PCM1: variants seen among roughly 807,000 people sequenced by gnomAD.
PCM1 encodes the protein pericentriolar material 1 protein.
A neutral mutation model predicts 241.9 loss-of-function variants in PCM1; 157 were observed. That is an observed-to-expected ratio of 0.65 (90% CI 0.57 to 0.74). PCM1 has a LOEUF of 0.74. PCM1 is among the 30% of genes least tolerant of loss of function. The probability of loss-of-function intolerance (pLI) is 0.00; values close to 1 mark genes in which losing one functional copy is unlikely to be tolerated. For synonymous variants in PCM1, 1,085 were observed against 784.9 expected, an observed-to-expected ratio of 1.38 and a Z score of -6.39; for missense variants, 3,478 against 2,360.1, an observed-to-expected ratio of 1.47 and a Z score of -9.81.
chr8:18,024,060 G>A (rs1457509969), intron 36 of PCM1, among the ~76,000 whole-genome samples: 1 of 152,122 alleles, frequency 6.6e-6, no homozygotes, highest in African/African-American at 2.4e-5. Flanking sequence ...ATAAAACAAA[G>A]GCCTTTAAAA....
chr8:17,936,362 T>A (rs183025517), intron 3 of PCM1, among the ~76,000 whole-genome samples: 153 of 152,280 alleles, frequency 1.0e-3, no homozygotes, highest in Non-Finnish European at 1.9e-3. Flanking sequence ...AAGGAAAATA[T>A]CCCAAGTGGT....
At chr8:18,005,824 G>A (rs1223781908) in intron 29 of PCM1, among the ~76,000 whole-genome samples, 5 of 152,140 alleles carry the variant, frequency 3.3e-5, no homozygotes, top group Non-Finnish European at 5.9e-5. Flanking sequence ...CAATGCACAG[G>A]ATGTCAATAA....
chr8:17,958,403 G>T (rs1391231376), intron 13 of PCM1, among the ~76,000 whole-genome samples: 1 of 151,874 alleles, frequency 6.6e-6, no homozygotes, highest in African/African-American at 2.4e-5. Context: ...TTGTATTATA[G>T]TTACACAATT....
intron 21 of PCM1, among the ~76,000 whole-genome samples, chr8:17,969,080 GGTAA>G (rs2076022165): frequency 6.7e-6 from 1 of 149,780 alleles, no homozygotes; most frequent in African/African-American, 2.4e-5. Context: ...AACAGTATTT[GGTAA>G]GTATTTAATT....
intron 17 of PCM1, 36 bp from the exon 18 acceptor site, chr8:17,964,532 C>T (rs759991074): frequency 4.6e-6 from 7 of 1,534,620 alleles, no homozygotes; most frequent in Middle Eastern, 1.7e-4. Flanking sequence ...AACTTATCTC[C>T]AGAATGACAT....
At chr8:18,013,000 A>G (rs2092710858) in intron 34 of PCM1, among the ~76,000 whole-genome samples, 1 of 152,182 alleles carries the variant, frequency 6.6e-6, no homozygotes. Context: ...GAACAGTGAT[A>G]TATCAAAAAG....
intron 23 of PCM1, among the ~76,000 whole-genome samples, chr8:17,974,875 A>ACG (rs1465953119): frequency 3.3e-5 from 5 of 152,078 alleles, no homozygotes; most frequent in African/African-American, 1.2e-4. Flanking sequence ...ACACACACAC[A>ACG]CACACACACA....
At position 18,027,732 on chromosome 8, in the gene PCM1, A is replaced by G. The variant is rs2094337270; in HGVS notation, c.*70A>G. 2 of 1,113,392 alleles carry G rather than the reference A, an allele frequency of 1.8e-6. No homozygotes were observed. The highest frequency in any genetic ancestry group is 2.7e-6 in the Non-Finnish European group (2 of 754,480). 69.0% of individuals were successfully genotyped at this position (1,113,392 alleles called of 1,614,324 possible). A position where few individuals can be genotyped will look rare whatever the true frequency, so the allele number is the denominator to read the frequency against. ...GCATATATGAAAACAATACTAAATA[A>G]ACATCTGATCTGTATAAAAATGTAA... On this transcript the variant is annotated 3_prime_UTR_variant, in exon 39 of 39. Transcript: ENST00000325083.
chr8:17,958,265 A>T (rs1390062928), intron 13 of PCM1, among the ~76,000 whole-genome samples: 1 of 152,164 alleles, frequency 6.6e-6, no homozygotes, highest in Non-Finnish European at 1.5e-5. Flanking sequence ...CAGAATTCAG[A>T]CTTCCTGATA....
intron 35 of PCM1, among the ~76,000 whole-genome samples, 190 bp downstream of exon 35, chr8:18,014,226 TAAAGA>T (rs1038132293): frequency 3.9e-5 from 6 of 151,970 alleles, no homozygotes; most frequent in African/African-American, 1.4e-4. Flanking sequence ...CTATAAACAA[TAAAGA>T]AAAGGTGACA....
rs1391939929 is a variant in PCM1, at chr8:17,963,143, C to A, written c.2506C>A (p.Leu836Met). The change falls in exon 17 of 39, where the codon CTG (leucine) becomes ATG (methionine). Residue 836 changes from leucine (L) to methionine (M), a missense_variant. By Grantham distance (15) the Leu-to-Met change is conservative. Transcript: ENST00000325083. ...MRRHEMLREE[L>M]RQRRKQLEAL... ...AAGACATGAAATGTTGAGGGAGGAG[C>A]TGCGACAGAGAAGAAAGCAGCTTGA... 1.9e-6 allele frequency: 3 copies of A among 1,613,064 alleles called. No individual in the cohort carries two copies. In the South Asian group the frequency reaches 3.3e-5, roughly 18 times the overall value.
At chr8:17,989,516 C>T (rs906019836) in intron 26 of PCM1, among the ~76,000 whole-genome samples, 1 of 152,000 alleles carries the variant, frequency 6.6e-6, no homozygotes, top group Non-Finnish European at 1.5e-5. Flanking sequence ...AGCTACTAGA[C>T]ATTGTTAGCA....
chr8:17,956,587 A>C lies in PCM1; in HGVS notation c.1473-17A>C. ...AAAATGGGTGTAAATCGTATACATA[A>C]ATTTTTTGTTTATCAGGAAGTTAAA... is the stretch of plus-strand genomic sequence containing the variant. On this transcript the variant is annotated splice_polypyrimidine_tract_variant and intron_variant, in intron 10 of 38. Coordinates refer to ENST00000325083, the MANE Select transcript of PCM1 (RefSeq NM_006197.4). The C allele has an allele frequency of 6.6e-7, 1 of 1,513,988 alleles. No individual in the cohort carries two copies. The highest frequency in any genetic ancestry group is 9.0e-7 in the Non-Finnish European group (1 of 1,108,292). 93.8% of individuals were successfully genotyped at this position (1,513,988 alleles called of 1,614,324 possible).
In PCM1 at chr8:17,964,615, A is replaced by T; in HGVS notation, c.2702A>T (p.Glu901Val). The T allele has an allele frequency of 3.1e-6, 5 of 1,613,898 alleles. No homozygotes were observed. The highest frequency in any genetic ancestry group is 4.2e-6 in the Non-Finnish European group (5 of 1,179,848). ...TCTACCCAGTGTGCACTAGATGAAG[A>T]AGGAGATGAAGACGGTTACCTTTCT... The part of the protein sequence containing the change: ...GGSTQCALDE[E>V]GDEDGYLSEG... The change falls in exon 18 of 39, where the codon GAA (glutamate) becomes GTA (valine). Residue 901 changes from glutamate (E) to valine (V), a missense_variant. By Grantham distance (121) the Glu-to-Val change is moderately radical (BLOSUM62 -2). Coordinates refer to ENST00000325083, the MANE Select transcript of PCM1 (RefSeq NM_006197.4).
chr8:17,931,465 T>G (rs2059001412), intron 2 of PCM1, among the ~76,000 whole-genome samples: 1 of 152,100 alleles, frequency 6.6e-6, no homozygotes, highest in Non-Finnish European at 1.5e-5. Context: ...GTTTTTGTAT[T>G]TTTAGTAGAG....
intron 30 of PCM1, 105 bp downstream of exon 30, chr8:18,006,502 G>T: frequency 2.8e-6 from 2 of 708,434 alleles, no homozygotes; most frequent in South Asian, 2.0e-5. Context: ...TTATTCTGGT[G>T]GACATCCAAT....
rs112085193 is a variant in PCM1, at chr8:17,956,974, T to G, written c.1646+197T>G. ...GTATGGAGTACAATAGTTCAGTAAA[T>G]TTGCCCTTTGTTAGACTGAATTCGA... On this transcript the variant is annotated intron_variant, in intron 11 of 38. Transcript: ENST00000325083. 1.7e-3 allele frequency among the ~76,000 whole-genome samples: 258 copies of G among 152,340 alleles called. 1 individual carries two copies. Among genetic ancestry groups the G allele is most frequent in the African/African-American group, 5.9e-3 (245 of 41,590 alleles).
At chr8:17,940,290 A>C in intron 6 of PCM1, 1 of 565,696 alleles carries the variant, frequency 1.8e-6, no homozygotes, top group Non-Finnish European at 3.2e-6. Context: ...CAAATTGTTA[A>C]TGCTGTATGT....
chr8:17,978,634 T>C (rs1197151300), intron 23 of PCM1, among the ~76,000 whole-genome samples: 1 of 151,920 alleles, frequency 6.6e-6, no homozygotes, highest in Non-Finnish European at 1.5e-5. Context: ...CCTCCACATG[T>C]CAGAATGAAA....
Sources: allele counts gnomAD v4.1 joint callset (sites outside exome capture counted in the v4.1 genomes callset), GRCh38; gene constraint gnomAD v4.1.1; transcripts MANE v1.5; gene names NCBI Gene and HGNC (gene_info 2026-07-23, HGNC 2026-07-21).